FLYWCH1: variants seen among roughly 807,000 people sequenced by gnomAD.
The protein encoded by FLYWCH1 is FLYWCH-type zinc finger 1.
A neutral mutation model predicts 66.4 loss-of-function variants in FLYWCH1; 75 were observed. The observed-to-expected ratio is 1.13, with a 90% CI of 0.94 to 1.37. FLYWCH1 has a LOEUF of 1.37. Ranked by LOEUF, FLYWCH1 falls within the 40% of genes most tolerant of loss-of-function variation. The pLI, the probability that FLYWCH1 is intolerant of heterozygous loss-of-function variation, is 0.00. For synonymous variants in FLYWCH1, 595 were observed against 429.9 expected (o/e 1.38, Z -4.75); for missense variants, 1,334 against 1,001.8 (o/e 1.33, Z -4.48).
chr16:2,940,112 A>G lies in FLYWCH1; in HGVS notation c.2111+20A>G, dbSNP rs1229570737. Reference sequence around the variant, plus strand: ...TTATGGGTAATTGTATTTGTTATCTAATGGTGCATGACCAATTACAACAAA... The same window carrying G: ...TTATGGGTAATTGTATTTGTTATCTGATGGTGCATGACCAATTACAACAAA... On this transcript the variant is annotated intron_variant, in intron 9 of 9. Transcript: ENST00000253928. The G allele has an allele frequency of 1.3e-5, 14 of 1,096,068 alleles. No individual in the cohort carries two copies. Among genetic ancestry groups the G allele is most frequent in the Non-Finnish European group, 1.7e-5 (12 of 709,990 alleles). 67.9% of individuals were successfully genotyped at this position (1,096,068 alleles called of 1,614,324 possible). A position where few individuals can be genotyped will look rare whatever the true frequency, so the allele number is the denominator to read the frequency against.
At chr16:2,943,521 G>A (rs189429935) in intron 9 of FLYWCH1, 5 of 151,456 alleles carry the variant, frequency 3.3e-5, no homozygotes, top group East Asian at 1.9e-4. Context: ...GACAAAAACC[G>A]TGTGATCACT....
chr16:2,924,001 C>G (rs1596362000), intron 2 of FLYWCH1, among the ~76,000 whole-genome samples: 1 of 152,136 alleles, frequency 6.6e-6, no homozygotes, highest in South Asian at 2.1e-4. Flanking sequence ...CGTGCCACTG[C>G]ACTTAGCCTG....
intron 9 of FLYWCH1, chr16:2,943,483 G>A (rs1275796384): frequency 4.6e-5 from 7 of 151,654 alleles, no homozygotes; most frequent in Non-Finnish European, 7.4e-5. Context: ...TGATGGGGAT[G>A]CCTGCATACC....
intron 2 of FLYWCH1, among the ~76,000 whole-genome samples, chr16:2,917,196 A>G (rs565095463): frequency 6.6e-5 from 10 of 150,692 alleles, no homozygotes; most frequent in African/African-American, 2.4e-4. Flanking sequence ...AAAAGCCATG[A>G]CTTTCCCAAT....
At chr16:2,941,426 G>A (rs1309624378) in intron 9 of FLYWCH1, among the ~76,000 whole-genome samples, 1 of 152,192 alleles carries the variant, frequency 6.6e-6, no homozygotes, top group Non-Finnish European at 1.5e-5. Context: ...GAAGAAGCCT[G>A]GGCAACATGG....
intron 4 of FLYWCH1, 23 bp from the exon 5 acceptor site, chr16:2,933,107 G>A (rs777221236): frequency 3.9e-5 from 62 of 1,601,158 alleles, no homozygotes; most frequent in Middle Eastern, 3.3e-4. Flanking sequence ...CTGGTGATGT[G>A]ACCACTTGGG....
rs1193752794 is a variant in FLYWCH1 at position 2,938,190 on chromosome 16, T to C, written c.1784T>C (p.Leu595Pro). 2.6e-5 allele frequency: 42 copies of C among 1,611,928 alleles called. No individual in the cohort carries two copies. The highest frequency in any genetic ancestry group is 3.5e-5 in the Non-Finnish European group (41 of 1,179,400). ...NLAQWDSPDPLRPLEFLRTSL... is the reference protein window; with the variant it reads ...NLAQWDSPDPPRPLEFLRTSL... ...GTGTCACTTTCCCTTTCAGATCCTC[T>C]CCGGCCCCTGGAGTTCCTGAGGACT... The change falls in exon 8 of 10, where the codon CTC becomes CCC. Residue 595 changes from leucine (L) to proline (P), a missense_variant. Transcript: ENST00000253928.
chr16:2,931,229 G>A lies in FLYWCH1; in HGVS notation c.796+349G>A, dbSNP rs967042623. 2.0e-5 allele frequency among the ~76,000 whole-genome samples: 3 copies of A among 148,948 alleles called. No homozygotes were observed. In the South Asian group the frequency reaches 6.3e-4, roughly 32 times the overall value. On this transcript the variant is annotated intron_variant, in intron 4 of 9. Transcript: ENST00000253928. The stretch of plus-strand genomic sequence containing the variant: ...GAGGCAGGAGAATCGCTTGAACCCA[G>A]GAGGCAGAGGTTGCAGTAAGCCCAG...
chr16:2,942,202 CAG>C (rs1252679385), intron 9 of FLYWCH1, among the ~76,000 whole-genome samples: 1 of 152,014 alleles, frequency 6.6e-6, no homozygotes, highest in Non-Finnish European at 1.5e-5. Flanking sequence ...CTCATTCTGG[CAG>C]AGTCTCATTC....
Position 2,930,527 on chromosome 16 carries a change from G to A in FLYWCH1, c.443G>A (p.Arg148His), listed in dbSNP as rs772342154. Residue 148 changes from arginine (R) to histidine (H), a missense_variant, in exon 4 of 10, where the codon CGC becomes CAC. Physicochemically the swap from Arg to His is conservative, Grantham distance 29 (BLOSUM62 0). Coordinates refer to ENST00000253928, the MANE Select transcript of FLYWCH1 (RefSeq NM_001308068.2). ...AVGDKVYWKC[R>H]QHAELGCRGR... is the part of the protein sequence containing the mutation. ...GGGGACAAGGTGTACTGGAAGTGCC[G>A]CCAACATGCTGAGCTGGGCTGCCGG... The A allele has an allele frequency of 1.9e-5, 30 of 1,544,360 alleles. 1 individual carries two copies. Among genetic ancestry groups the A allele is most frequent in the Non-Finnish European group, 2.2e-5 (25 of 1,150,030 alleles).
At position 2,933,179 on chromosome 16, in the gene FLYWCH1, C is replaced by T. The variant is rs769975621; in HGVS notation, c.846C>T (p.Phe282=). 14 of 1,613,802 alleles carry T rather than the reference C, an allele frequency of 8.7e-6. No individual in the cohort carries two copies. In the South Asian group the frequency reaches 1.3e-4, roughly 15 times the overall value. Residue 282 remains phenylalanine (F), a synonymous_variant, in exon 5 of 10, where the codon TTC becomes TTT. Coordinates refer to ENST00000253928, the MANE Select transcript of FLYWCH1 (RefSeq NM_001308068.2). ...TGAGGACGTGCTACGGGGGCAGCTTCCTGGTACACGAGTCGTTCCTCTACA... is the reference window on the plus strand; with the variant it reads ...TGAGGACGTGCTACGGGGGCAGCTTTCTGGTACACGAGTCGTTCCTCTACA... The part of the protein sequence containing the change: ...EFLRTCYGGS[F]LVHESFLYKR...
Position 2,940,017 on chromosome 16 carries a change from A to C in FLYWCH1, c.2051-15A>C. On this transcript the variant is annotated splice_polypyrimidine_tract_variant and intron_variant, in intron 8 of 9. Transcript: ENST00000253928. ...GAAGAATTATTAATTCATATTTTCA[A>C]TTATTTTTCCACAGAAAAGATTCAA... The C allele has an allele frequency of 6.3e-7, 1 of 1,596,558 alleles. No individual in the cohort carries two copies. Among genetic ancestry groups the C allele is most frequent in the African/African-American group, 1.3e-5 (1 of 74,688 alleles).
chr16:2,917,388 C>G (rs1024067971), intron 2 of FLYWCH1, among the ~76,000 whole-genome samples: 5 of 151,378 alleles, frequency 3.3e-5, no homozygotes, highest in Non-Finnish European at 7.4e-5. Flanking sequence ...CACCACGACG[C>G]CCAGCTAATT....
Position 2,911,977 on chromosome 16 carries a change from T to TCG in FLYWCH1, c.-356_-355dup, listed in dbSNP as rs3833077. The stretch of plus-strand genomic sequence containing the variant: ...CCGCAAGGCCGGCTCCCCGGCGGGG[T>TCG]CGCGCGCGCGGTCACGGGGCTCGCT... On this transcript the variant is annotated 5_prime_UTR_variant, in exon 1 of 10. Coordinates refer to ENST00000253928, the MANE Select transcript of FLYWCH1 (RefSeq NM_001308068.2). 63,973 of 151,610 alleles carry TCG rather than the reference T, an allele frequency of 0.42. 14,347 individuals are homozygous for TCG. Among genetic ancestry groups the TCG allele is most frequent in the Non-Finnish European group, 0.5 (33,927 of 67,804 alleles). The allele number at this position is 151,610 out of a possible 1,614,324, so 9.4% of individuals were successfully genotyped here.
intron 2 of FLYWCH1, among the ~76,000 whole-genome samples, chr16:2,916,544 G>A (rs1478178740): frequency 1.3e-5 from 2 of 150,900 alleles, no homozygotes; most frequent in Non-Finnish European, 2.9e-5. Context: ...GGCTGAGGCC[G>A]GAGAATGGCG....
chr16:2,923,008 CT>C (rs1326087561), intron 2 of FLYWCH1: 7 of 477,420 alleles, frequency 1.5e-5, no homozygotes, highest in East Asian at 5.6e-5. Flanking sequence ...ACGCGCGGAT[CT>C]TTTTTTGGGG....
chr16:2,932,980 G>T, intron 4 of FLYWCH1, 150 bp from the exon 5 acceptor site: 1 of 671,054 alleles, frequency 1.5e-6, no homozygotes. Flanking sequence ...GAATGGGTTT[G>T]GGGCCTCTGA....
chr16:2,913,813 C>A (rs926854990), intron 1 of FLYWCH1, among the ~76,000 whole-genome samples: 1 of 152,016 alleles, frequency 6.6e-6, no homozygotes, highest in African/African-American at 2.4e-5. Flanking sequence ...GGTTCAGTTG[C>A]GGGTAGGTGG....
chr16:2,939,945 C>A, intron 8 of FLYWCH1, 87 bp from the exon 9 acceptor site: 1 of 1,486,168 alleles, frequency 6.7e-7, no homozygotes, highest in Non-Finnish European at 9.0e-7. Context: ...GCCTTGAGGG[C>A]GTCGTTAACA....
Sources: gnomAD v4.1 joint callset for allele counts (sites outside exome capture counted in the v4.1 genomes callset) on GRCh38, gnomAD v4.1.1 for gene constraint, MANE v1.5 for transcripts, NCBI Gene and HGNC (gene_info 2026-07-23, HGNC 2026-07-21) for gene names.